Variants in GPRIN3 observed in about 807,000 individuals in gnomAD.
The protein encoded by GPRIN3 is G protein-regulated inducer of neurite outgrowth 3.
Under a neutral mutation model 13.7 loss-of-function variants are expected in GPRIN3, and 12 were observed. The observed-to-expected ratio is 0.87, with a 90% confidence interval of 0.56 to 1.42. The LOEUF (loss-of-function observed/expected upper bound fraction) is 1.42. Among genes scored for constraint, GPRIN3 ranks in the 40% most tolerant of loss-of-function variants. The pLI is 0.00. For synonymous variants in GPRIN3, 377 were observed against 372.7 expected (o/e 1.01, Z -0.13); for missense variants, 1,009 against 958.7 (o/e 1.05, Z -0.69).
intron 1 of GPRIN3, among the ~76,000 whole-genome samples, chr4:89,281,850 G>A (rs1046093461): frequency 9.2e-5 from 14 of 152,184 alleles, no homozygotes; most frequent in East Asian, 3.9e-4. Context: ...TCTATGGGAA[G>A]CCTTCCTTGC....
chr4:89,286,614 A>G (rs1724421012), intron 1 of GPRIN3, among the ~76,000 whole-genome samples: 1 of 152,078 alleles, frequency 6.6e-6, no homozygotes, highest in South Asian at 2.1e-4. Context: ...TTACGTACAT[A>G]TCCTTTTATA....
At chr4:89,281,042 C>G (rs2149278638) in intron 1 of GPRIN3, among the ~76,000 whole-genome samples, 1 of 150,714 alleles carries the variant, frequency 6.6e-6, no homozygotes, top group Middle Eastern at 3.4e-3. Context: ...AACTTACAGT[C>G]ATGTTGGAAG....
Position 89,305,723 on chromosome 4 carries a change from A to T in GPRIN3, c.-124+1892T>A, listed in dbSNP as rs528019015. On this transcript the variant is annotated intron_variant, in intron 1 of 1. Transcript: ENST00000609438. ...TATAGTCTTTTAAGTATGTTGAGGC[A>T]TAATTAAGAAAATGTTGCAGGAACA... Among the ~76,000 whole-genome samples the T allele has an allele frequency of 8.5e-4, 129 of 152,246 alleles. 1 individual carries two copies. The highest frequency in any genetic ancestry group is 1.3e-3 in the Non-Finnish European group (90 of 68,046).
Position 89,249,820 on chromosome 4 carries a change from GGGA to G in GPRIN3, c.288_290del (p.Pro97del), listed in dbSNP as rs1561183629. The stretch of plus-strand genomic sequence containing the variant: ...TGCTCCCTGGCAGCTGGGGATTGCC[GGGA>G]GAGTTGAATGTGGCAGGTGCTTTCT... On this transcript the variant is annotated inframe_deletion, in exon 2 of 2. Transcript: ENST00000609438. 6.2e-7 allele frequency: 1 copy of G among 1,614,056 alleles called. No individual in the cohort carries two copies. The highest frequency in any genetic ancestry group is 1.1e-5 in the South Asian group (1 of 91,086).
At position 89,247,750 on chromosome 4, in the gene GPRIN3, T is replaced by C. The variant is rs771175430; in HGVS notation, c.*30A>G. 1 of 1,567,170 alleles carries C rather than the reference T, an allele frequency of 6.4e-7. No homozygotes were observed. Among genetic ancestry groups the C allele is most frequent in the Admixed American group, 1.8e-5 (1 of 55,404 alleles). On this transcript the variant is annotated 3_prime_UTR_variant, in exon 2 of 2. Coordinates refer to ENST00000609438, the MANE Select transcript of GPRIN3 (RefSeq NM_198281.3). Reference sequence around the variant, plus strand: ...AGGGACGCATGTGAATACCGTAAATTTATACACAAACTCCCATAAATACTC... The same window carrying C: ...AGGGACGCATGTGAATACCGTAAATCTATACACAAACTCCCATAAATACTC...
chr4:89,265,632 C>T (rs562020591), intron 1 of GPRIN3, among the ~76,000 whole-genome samples: 1 of 152,226 alleles, frequency 6.6e-6, no homozygotes, highest in East Asian at 1.9e-4. Flanking sequence ...TAGAACAAAG[C>T]TAAACATTAA....
intron 1 of GPRIN3, among the ~76,000 whole-genome samples, chr4:89,283,606 T>C (rs903368644): frequency 5.9e-5 from 9 of 152,144 alleles, no homozygotes; most frequent in African/African-American, 1.9e-4. Flanking sequence ...GTGAGCCCTT[T>C]GGTAGAGCTC....
At position 89,249,332 on chromosome 4, in the gene GPRIN3, G is replaced by T; in HGVS notation, c.779C>A (p.Thr260Lys). 1 of 1,614,120 alleles carries T rather than the reference G, an allele frequency of 6.2e-7. No individual in the cohort carries two copies. The highest frequency in any genetic ancestry group is 8.5e-7 in the Non-Finnish European group (1 of 1,180,000). ...GGTTGGTTGAGGTGTCACAGAAGTT[G>T]TGCCTTGGGGGCCCGAGGCAGTGAC... ...PSVTASGPQG[T>K]TSVTPQPTPL... Residue 260 changes from threonine (T) to lysine (K), a missense_variant, in exon 2 of 2, where the codon ACA (threonine) becomes AAA (lysine). Physicochemically the swap from Thr to Lys is moderately conservative, Grantham distance 78 (BLOSUM62 -1). Coordinates refer to ENST00000609438, the MANE Select transcript of GPRIN3 (RefSeq NM_198281.3).
Position 89,262,047 on chromosome 4 carries a change from G to A in GPRIN3, c.-123-11814C>T, listed in dbSNP as rs149726818. ...AGGCTGAGGTGGTGGAACTGCTTGA[G>A]CCTGGGAGGCAGAGGTTGCAGTGAG... is the stretch of plus-strand genomic sequence containing the variant. On this transcript the variant is annotated intron_variant, in intron 1 of 1. Coordinates refer to ENST00000609438, the MANE Select transcript of GPRIN3 (RefSeq NM_198281.3). Among the ~76,000 whole-genome samples, 371 of 150,840 alleles carry A rather than the reference G, an allele frequency of 2.5e-3. 3 individuals carry two copies. Among genetic ancestry groups the A allele is most frequent in the African/African-American group, 8.6e-3 (354 of 40,968 alleles).
At position 89,242,532 on chromosome 4, in the gene GPRIN3, T is replaced by C. The variant is rs1334737430; in HGVS notation, c.*5248A>G. ...CATAAAAACATAGATGCCAACTGTA[T>C]CCTGACTAATGCTCATTAGTGCTGT... is the stretch of plus-strand genomic sequence containing the variant. On this transcript the variant is annotated 3_prime_UTR_variant, in exon 2 of 2. Transcript: ENST00000609438. The C allele has an allele frequency of 1.4e-4, 21 of 152,228 alleles. No individual in the cohort carries two copies. The highest frequency in any genetic ancestry group is 1.4e-3 in the Admixed American group (21 of 15,282). The allele number at this position is 152,228 out of a possible 1,614,324, so 9.4% of individuals were successfully genotyped here.
intron 1 of GPRIN3, chr4:89,251,136 TG>T (rs2149257489): frequency 6.6e-6 from 1 of 152,106 alleles, no homozygotes; most frequent in Non-Finnish European, 1.5e-5. Context: ...AATAATCCAT[TG>T]AAAAAATGGA....
rs1464009228 is a variant in GPRIN3, at chr4:89,240,507, T to C, written c.*7273A>G. On this transcript the variant is annotated 3_prime_UTR_variant, in exon 2 of 2. Coordinates refer to ENST00000609438, the MANE Select transcript of GPRIN3 (RefSeq NM_198281.3). ...CCAAAAAATGTAGGGCTTTTATTGG[T>C]TTGTGCAAATCAACACACTGATACA... The C allele has an allele frequency of 6.6e-6, 1 of 152,160 alleles. No individual in the cohort carries two copies. Among genetic ancestry groups the C allele is most frequent in the East Asian group, 1.9e-4 (1 of 5,196 alleles). The allele number at this position is 152,160 out of a possible 1,614,324, so 9.4% of individuals were successfully genotyped here.
intron 1 of GPRIN3, among the ~76,000 whole-genome samples, chr4:89,291,528 C>G (rs1250601073): frequency 6.6e-6 from 1 of 152,178 alleles, no homozygotes; most frequent in Non-Finnish European, 1.5e-5. Flanking sequence ...TATTTCTGGA[C>G]ATTGTTTCAC....
At position 89,239,525 on chromosome 4, in the gene GPRIN3, A is replaced by G. The variant is rs1722866598; in HGVS notation, c.*8255T>C. 1 of 152,224 alleles carries G rather than the reference A, an allele frequency of 6.6e-6. No homozygotes were observed. Among genetic ancestry groups the G allele is most frequent in the Non-Finnish European group, 1.5e-5 (1 of 68,034 alleles). The allele number at this position is 152,224 out of a possible 1,614,324, so 9.4% of individuals were successfully genotyped here. On this transcript the variant is annotated 3_prime_UTR_variant, in exon 2 of 2. Transcript: ENST00000609438. ...CTGGTTAATCTTTTATTTTTATTTA[A>G]TATACAACGATGGCACATTCGTTCT...
chr4:89,269,979 C>T lies in GPRIN3; in HGVS notation c.-123-19746G>A, dbSNP rs184948787. On this transcript the variant is annotated intron_variant, in intron 1 of 1. Coordinates refer to ENST00000609438, the MANE Select transcript of GPRIN3 (RefSeq NM_198281.3). ...ATTAATTTACTCAATCAATAATGTGCAAATCTTGAGTATTAATTCTCTTAG... is the reference window on the plus strand; with the variant it reads ...ATTAATTTACTCAATCAATAATGTGTAAATCTTGAGTATTAATTCTCTTAG... 1.0e-3 allele frequency among the ~76,000 whole-genome samples: 159 copies of T among 152,208 alleles called. 1 individual carries two copies. Among genetic ancestry groups the T allele is most frequent in the African/African-American group, 3.7e-3 (155 of 41,554 alleles).
At chr4:89,267,045 G>T (rs1336559062) in intron 1 of GPRIN3, among the ~76,000 whole-genome samples, 1 of 152,138 alleles carries the variant, frequency 6.6e-6, no homozygotes, top group Non-Finnish European at 1.5e-5. Context: ...GGTTACCATA[G>T]GGTGGGGTTA....
intron 1 of GPRIN3, among the ~76,000 whole-genome samples, chr4:89,286,019 TTTTC>T (rs1322357792): frequency 1.3e-5 from 2 of 152,072 alleles, no homozygotes; most frequent in African/African-American, 2.4e-5. Context: ...GAACATATCC[TTTTC>T]TTTAACTTTT....
At chr4:89,273,843 G>A (rs1399175170) in intron 1 of GPRIN3, among the ~76,000 whole-genome samples, 1 of 152,204 alleles carries the variant, frequency 6.6e-6, no homozygotes, top group East Asian at 1.9e-4. Context: ...ATATGTTATG[G>A]TACGTGTCCC....
intron 1 of GPRIN3, among the ~76,000 whole-genome samples, chr4:89,256,836 A>G (rs1723477917): frequency 6.6e-6 from 1 of 152,224 alleles, no homozygotes; most frequent in African/African-American, 2.4e-5. Context: ...CCTCAAGAAA[A>G]GAGTAAAGAA....
Sources: allele counts gnomAD v4.1 joint callset (sites outside exome capture counted in the v4.1 genomes callset), GRCh38; gene constraint gnomAD v4.1.1; transcripts MANE v1.5; gene names NCBI Gene and HGNC (gene_info 2026-07-23, HGNC 2026-07-21).